ALOXE3: variants seen among roughly 807,000 people sequenced by gnomAD.
The protein encoded by ALOXE3 is arachidonate epidermal lipoxygenase 3.
Under a neutral mutation model 87.5 loss-of-function variants are expected in ALOXE3, and 78 were observed. The ratio of observed to expected loss-of-function variants is 0.89; its 90% CI spans 0.74 to 1.08. The LOEUF (loss-of-function observed/expected upper bound fraction) is 1.08, where lower values mean the gene tolerates loss of function less well. Among genes scored for constraint, ALOXE3 ranks in the 50% least tolerant of loss-of-function variants. The pLI is 0.00. For missense variants in ALOXE3, 946 were observed against 912.4 expected (o/e 1.04, Z -0.47); for synonymous variants, 363 against 370.8 (o/e 0.98, Z 0.24).
Position 8,103,656 on chromosome 17 carries a change from G to C in ALOXE3, c.1786-163C>G, listed in dbSNP as rs1037489402. On this transcript the variant is annotated intron_variant, in intron 14 of 15. Transcript: ENST00000448843. ...CTGGGAAATGAGGGGATCATGGAAAGGCAAGAGAGGAAAGGGTAGGGAGTG... is the reference window on the plus strand; with the variant it reads ...CTGGGAAATGAGGGGATCATGGAAACGCAAGAGAGGAAAGGGTAGGGAGTG... 37 of 839,380 alleles carry C rather than the reference G, an allele frequency of 4.4e-5. 1 individual carries two copies. Among genetic ancestry groups the C allele is most frequent in the South Asian group, 2.1e-4 (14 of 66,516 alleles). 52.0% of individuals were successfully genotyped at this position (839,380 alleles called of 1,614,324 possible).
In ALOXE3 at chr17:8,110,190, G is replaced by T; in HGVS notation, c.1207C>A (p.His403Asn). 6.2e-7 allele frequency: 1 copy of T among 1,614,118 alleles called. No homozygotes were observed. The highest frequency in any genetic ancestry group is 8.5e-7 in the Non-Finnish European group (1 of 1,179,954). Residue 403 changes from histidine to asparagine, a missense_variant, in exon 10 of 16, where the codon CAC becomes AAC. Coordinates refer to ENST00000448843, the MANE Select transcript of ALOXE3 (RefSeq NM_021628.3). ...CACAGAAAGTGCGTGTTGTTTTCGT[G>T]CACCAGGAACTCAGAGTTGCGCACC... is the stretch of plus-strand genomic sequence containing the variant. ...TWVRNSEFLVHENNTHFLCTH... is the reference protein window; with the variant it reads ...TWVRNSEFLVNENNTHFLCTH...
chr17:8,107,840 A>AGGTTG (rs1491185832), intron 13 of ALOXE3, among the ~76,000 whole-genome samples: 16 of 4,452 alleles, frequency 3.6e-3, no homozygotes, highest in African/African-American at 3.8e-3. Flanking sequence ...AAAGAAAGAA[A>AGGTTG]GAAAGAAAGA....
At position 8,109,431 on chromosome 17, in the gene ALOXE3, A is replaced by T. The variant is rs1979817575; in HGVS notation, c.1393-88T>A. 43 of 1,543,840 alleles carry T rather than the reference A, an allele frequency of 2.8e-5. No homozygotes were observed. The South Asian group carries it at 4.8e-4, about 17-fold the overall frequency. On this transcript the variant is annotated intron_variant, in intron 11 of 15. Transcript: ENST00000448843. ...GAGATGGGGCTGGGGACTCGGCCCA[A>T]GGAGGGCCTTCTTCGGTTCACCAAG...
At position 8,116,940 on chromosome 17, in the gene ALOXE3, T is replaced by C. The variant is rs1157385845; in HGVS notation, c.188A>G (p.Glu63Gly). The C allele has an allele frequency of 1.2e-6, 2 of 1,614,218 alleles. No homozygotes were observed. Among genetic ancestry groups the C allele is most frequent in the South Asian group, 1.1e-5 (1 of 91,082 alleles). ...CTTGTGTACACGCAGCAGCAAGAGC[T>C]CACCCAGCTCCGCTGTGCAACGCAC... The part of the protein sequence containing the change: ...YKVRCTAELG[E>G]LLLLRVHKER... The change falls in exon 3 of 16, where the codon GAG becomes GGG. Residue 63 changes from glutamate (E) to glycine (G), a missense_variant. By Grantham distance (98) the Glu-to-Gly change is moderately conservative. Coordinates refer to ENST00000448843, the MANE Select transcript of ALOXE3 (RefSeq NM_021628.3).
At chr17:8,100,178 A>G (rs1978836484) in intron 15 of ALOXE3, among the ~76,000 whole-genome samples, 1 of 152,236 alleles carries the variant, frequency 6.6e-6, no homozygotes, top group Admixed American at 6.5e-5. Flanking sequence ...ATAGTGCTGT[A>G]AGTGACAGTC....
chr17:8,098,925 A>G (rs1365893520), intron 15 of ALOXE3, among the ~76,000 whole-genome samples: 1 of 151,814 alleles, frequency 6.6e-6, no homozygotes, highest in East Asian at 1.9e-4. Context: ...ATCACAGCTT[A>G]CCACAGCCTT....
chr17:8,118,610 A>C (rs1980824337), upstream of ALOXE3: 1 of 1,533,244 alleles, frequency 6.5e-7, no homozygotes, highest in Non-Finnish European at 8.7e-7. Flanking sequence ...GCACATGTCA[A>C]ATGGTCAGGA....
Position 8,114,953 on chromosome 17 carries a change from A to G in ALOXE3, c.539T>C (p.Val180Ala), listed in dbSNP as rs1233634236. 3 of 1,614,084 alleles carry G rather than the reference A, an allele frequency of 1.9e-6. No individual in the cohort carries two copies. The Admixed American group carries it at 5.0e-5, about 27-fold the overall frequency. ...TAATCTTCACCTGTCACCCTGGTCT[A>G]CACAAGTTGTCGTCTTTGTCAAGGC... ...KFALTKTTTC[V>A]DQGDSSGNRY... The change falls in exon 5 of 16, where the codon GTA becomes GCA. Residue 180 changes from valine (V) to alanine (A), a missense_variant. By Grantham distance (64) the Val-to-Ala change is moderately conservative. Transcript: ENST00000448843.
At chr17:8,096,827 A>G in intron 15 of ALOXE3, 21 bp from the exon 16 acceptor site, 1 of 1,613,032 alleles carries the variant, frequency 6.2e-7, no homozygotes, top group Non-Finnish European at 8.5e-7. Context: ...ATCAGGTAAG[A>G]GGTCAGGATG....
At chr17:8,103,572 C>T in intron 14 of ALOXE3, 79 bp from the exon 15 acceptor site, 1 of 1,470,912 alleles carries the variant, frequency 6.8e-7, no homozygotes, top group Non-Finnish European at 9.4e-7. Flanking sequence ...CCTGATTCCA[C>T]CTCTGCCGTC....
At chr17:8,117,811 G>T in intron 2 of ALOXE3, 33 bp downstream of exon 2, 1 of 1,603,932 alleles carries the variant, frequency 6.2e-7, no homozygotes. Context: ...CTGCCCCTCT[G>T]AGGTCGCGCT....
intron 13 of ALOXE3, among the ~76,000 whole-genome samples, chr17:8,107,478 C>A (rs186448739): frequency 1.3e-5 from 2 of 152,250 alleles, no homozygotes; most frequent in Non-Finnish European, 2.9e-5. Context: ...GATTGTGCCT[C>A]CACACTCCAG....
intron 15 of ALOXE3, among the ~76,000 whole-genome samples, chr17:8,097,206 T>G (rs997374081): frequency 1.3e-5 from 2 of 152,120 alleles, no homozygotes; most frequent in Non-Finnish European, 2.9e-5. Flanking sequence ...CATAGCCCAC[T>G]GCAGCCTCAA....
upstream of ALOXE3, chr17:8,118,648 T>TC (rs1251351534): frequency 1.3e-6 from 2 of 1,536,946 alleles, no homozygotes; most frequent in South Asian, 1.2e-5. Flanking sequence ...CATACACCGA[T>TC]CCCCCCACGC....
At chr17:8,097,458 CAACCAGCATCCTGGTTCT>C (rs959681709) in intron 15 of ALOXE3, among the ~76,000 whole-genome samples, 3 of 152,304 alleles carry the variant, frequency 2.0e-5, no homozygotes, top group African/African-American at 4.8e-5. Context: ...CTCCTAAAAA[CAACCAGCATCCTGGTTCT>C]AAGGTACCTT....
chr17:8,109,514 G>A lies in ALOXE3; in HGVS notation c.1393-171C>T, dbSNP rs929566867. Among the ~76,000 whole-genome samples, 5 of 152,244 alleles carry A rather than the reference G, an allele frequency of 3.3e-5. No homozygotes were observed. In the East Asian group the frequency reaches 7.7e-4, roughly 23 times the overall value. On this transcript the variant is annotated intron_variant, in intron 11 of 15. Transcript: ENST00000448843. ...CCTGACGCAGGCTGCGCAGCTTGACGCCCCATTACGTGCGTGGGAGGAGAT... is the reference window on the plus strand; with the variant it reads ...CCTGACGCAGGCTGCGCAGCTTGACACCCCATTACGTGCGTGGGAGGAGAT...
intron 15 of ALOXE3, among the ~76,000 whole-genome samples, chr17:8,102,143 G>A (rs757055672): frequency 3.3e-5 from 5 of 152,128 alleles, no homozygotes; most frequent in Admixed American, 6.5e-5. Flanking sequence ...ATCCATTCAC[G>A]CAGCCACAGG....
chr17:8,096,325 T>C lies in ALOXE3; in HGVS notation c.*302A>G. ...ACCCAAGCTGGGCATTCCAAGAGGC[T>C]GGAACAAGAGGCTGCCCCAAGTGGG... On this transcript the variant is annotated 3_prime_UTR_variant, in exon 16 of 16. Transcript: ENST00000448843. 5.9e-6 allele frequency: 2 copies of C among 340,124 alleles called. No homozygotes were observed. Among genetic ancestry groups the C allele is most frequent in the Non-Finnish European group, 1.1e-5 (2 of 184,664 alleles). The allele number at this position is 340,124 out of a possible 1,614,324, so 21.1% of individuals were successfully genotyped here. A position where few individuals can be genotyped will look rare whatever the true frequency, so the allele number is the denominator to read the frequency against.
At chr17:8,099,795 T>C (rs1205760611) in intron 15 of ALOXE3, among the ~76,000 whole-genome samples, 1 of 152,036 alleles carries the variant, frequency 6.6e-6, no homozygotes, top group Non-Finnish European at 1.5e-5. Flanking sequence ...CTAGGCCAGA[T>C]GCAGTGGCTC....
Sources: gnomAD v4.1 joint callset for allele counts (sites outside exome capture counted in the v4.1 genomes callset) on GRCh38, gnomAD v4.1.1 for gene constraint, MANE v1.5 for transcripts, NCBI Gene and HGNC (gene_info 2026-07-23, HGNC 2026-07-21) for gene names.